Variants in CSPG4 observed in about 807,000 individuals in gnomAD.
CSPG4 encodes chondroitin sulfate proteoglycan 4.
A neutral mutation model predicts 139.3 loss-of-function variants in CSPG4; 74 were observed. That is an observed-to-expected ratio of 0.53 (90% CI 0.44 to 0.64). The LOEUF (loss-of-function observed/expected upper bound fraction) is 0.64. Among genes scored for constraint, CSPG4 ranks in the 30% least tolerant of loss-of-function variants. The pLI is 0.00. For synonymous variants in CSPG4, 1,234 were observed against 1,394.2 expected (o/e 0.89, Z 2.56); for missense variants, 2,565 against 3,148.3 (o/e 0.81, Z 4.43).
rs1446944540 is a variant in CSPG4, at chr15:75,683,022, G to A, written c.4469C>T (p.Ala1490Val). The A allele has an allele frequency of 3.1e-6, 5 of 1,610,382 alleles. No homozygotes were observed. Among genetic ancestry groups the A allele is most frequent in the Admixed American group, 1.7e-5 (1 of 59,974 alleles). ...CCTCAGAGCCTCCGCAGGGATGGGC[G>A]CAGTGGCCCCCTCCCACATCTGGGA... is the stretch of plus-strand genomic sequence containing the variant. ...TGLQMWEGAT[A>V]PIPAEALRST... The change falls in exon 6 of 10, where the codon GCG becomes GTG. Residue 1490 changes from alanine (A) to valine (V), a missense_variant. Ala to Val is a moderately conservative substitution (Grantham distance 64). Transcript: ENST00000308508.
Position 75,689,910 on chromosome 15 carries a change from C to T in CSPG4, c.1155G>A (p.Glu385=). Residue 385 remains glutamate, a synonymous_variant, in exon 3 of 10, where the codon GAG becomes GAA. Coordinates refer to ENST00000308508, the MANE Select transcript of CSPG4 (RefSeq NM_001897.5). ...NMAAGCRLEE[E]EYEDDAYGHY... is the part of the protein sequence containing the mutation. ...GTCCATAGGCATCGTCCTCATACTC[C>T]TCCTCCTCCAGCCTGCAGCCGGCTG... 1.2e-6 allele frequency: 2 copies of T among 1,611,850 alleles called. No individual in the cohort carries two copies. Among genetic ancestry groups the T allele is most frequent in the Non-Finnish European group, 1.7e-6 (2 of 1,179,430 alleles).
In CSPG4 at chr15:75,688,348, A is replaced by G. The variant is rs762672632; in HGVS notation, c.2717T>C (p.Leu906Pro). 3 of 1,613,212 alleles carry G rather than the reference A, an allele frequency of 1.9e-6. No individual in the cohort carries two copies. Among genetic ancestry groups the G allele is most frequent in the Admixed American group, 1.7e-5 (1 of 60,008 alleles). ...DPDAPVLTNV[L>P]LVVPEGGEGV... Reference sequence around the variant, plus strand: ...CTCACCACCCTCAGGCACCACGAGGAGGACATTGGTGAGGACAGGCGCATC... The same window carrying G: ...CTCACCACCCTCAGGCACCACGAGGGGGACATTGGTGAGGACAGGCGCATC... Residue 906 changes from leucine to proline, a missense_variant, in exon 3 of 10, where the codon CTC (leucine) becomes CCC (proline). Transcript: ENST00000308508.
Position 75,712,714 on chromosome 15 carries a change from C to A in CSPG4, c.42G>T (p.Leu14=). 6.4e-7 allele frequency: 1 copy of A among 1,563,548 alleles called. No homozygotes were observed. The highest frequency in any genetic ancestry group is 2.3e-5 in the East Asian group (1 of 42,554). ...ACATAGTCAGGGTCAAAGCCAAGGC[C>A]AGGCCGGGGGCTGGAAGTGGGGGCC... The part of the protein sequence containing the change: ...GPRPPLPAPG[L]ALALTLTMLA... The change falls in exon 1 of 10, where the codon CTG becomes CTT. Residue 14 remains leucine (L), a synonymous_variant. Transcript: ENST00000308508.
In CSPG4 at chr15:75,688,910, C is replaced by G. The variant is rs1362518337; in HGVS notation, c.2155G>C (p.Gly719Arg). ...GCCCACCACTCAGCACCCTCCACCC[C>G]ACCTGCCCCCTGCTTCTGCAGCTCC... ...FGELQKQGAG[G>R]VEGAEWWATQ... The change falls in exon 3 of 10, where the codon GGG becomes CGG. Residue 719 changes from glycine to arginine, a missense_variant. Around this residue, in one of 5 missense-constraint regions of CSPG4, gnomAD observed 2,316 missense variants for 2,818.2 expected, o/e 0.82. Transcript: ENST00000308508. 1.2e-6 allele frequency: 2 copies of G among 1,612,204 alleles called. No homozygotes were observed. The highest frequency in any genetic ancestry group is 2.7e-5 in the African/African-American group (2 of 74,932).
Position 75,676,086 on chromosome 15 carries a change from C to T in CSPG4, c.6433G>A (p.Glu2145Lys). The change falls in exon 10 of 10, where the codon GAG (glutamate) becomes AAG (lysine). Residue 2145 changes from glutamate (E) to lysine (K), a missense_variant. Glu to Lys is a moderately conservative substitution (Grantham distance 56). Coordinates refer to ENST00000308508, the MANE Select transcript of CSPG4 (RefSeq NM_001897.5). ...GGCGGGACGCCCTGTGCCCACAGCTCCAGAGTGAGACTGTCACCTGCGGGG... is the reference window on the plus strand; with the variant it reads ...GGCGGGACGCCCTGTGCCCACAGCTTCAGAGTGAGACTGTCACCTGCGGGG... ...PGPAGDSLTL[E>K]LWAQGVPPAV... The T allele has an allele frequency of 1.3e-6, 2 of 1,535,390 alleles. No homozygotes were observed. The highest frequency in any genetic ancestry group is 2.4e-5 in the South Asian group (2 of 84,490).
intron 1 of CSPG4, among the ~76,000 whole-genome samples, chr15:75,706,007 C>G (rs1318266174): frequency 1.3e-5 from 2 of 152,040 alleles, no homozygotes; most frequent in South Asian, 2.1e-4. Flanking sequence ...GTCTGTGTCT[C>G]TGTGTGTGTG....
intron 1 of CSPG4, among the ~76,000 whole-genome samples, chr15:75,699,192 C>T (rs1181419582): frequency 1.3e-5 from 2 of 152,220 alleles, no homozygotes; most frequent in Admixed American, 1.3e-4. Flanking sequence ...ACTGCTTTAT[C>T]CCAGTGGGGT....
At chr15:75,686,527 A>T (rs1027633520) in intron 3 of CSPG4, among the ~76,000 whole-genome samples, 24 of 150,880 alleles carry the variant, frequency 1.6e-4, no homozygotes, top group Admixed American at 4.6e-4. Context: ...TTCCTGTTCT[A>T]TGCATTTGCC....
intron 1 of CSPG4, among the ~76,000 whole-genome samples, chr15:75,694,114 C>T (rs1271630058): frequency 1.3e-5 from 2 of 152,232 alleles, no homozygotes; most frequent in South Asian, 2.1e-4. Context: ...CAGGCCACCA[C>T]GCAGGCTGAG....
At position 75,685,714 on chromosome 15, in the gene CSPG4, G is replaced by A; in HGVS notation, c.3790-13C>T. Reference sequence around the variant, plus strand: ...CCTCCTGGGCTGCCTGGTTAACAGAGGTCACAAGGACTCACAGGGGGCCAC... The same window carrying A: ...CCTCCTGGGCTGCCTGGTTAACAGAAGTCACAAGGACTCACAGGGGGCCAC... On this transcript the variant is annotated splice_polypyrimidine_tract_variant and intron_variant, in intron 3 of 9. Transcript: ENST00000308508. 2 of 1,575,636 alleles carry A rather than the reference G, an allele frequency of 1.3e-6. No homozygotes were observed. The highest frequency in any genetic ancestry group is 1.7e-6 in the Non-Finnish European group (2 of 1,164,944).
chr15:75,692,828 G>A (rs967709967), intron 2 of CSPG4, among the ~76,000 whole-genome samples: 2 of 152,252 alleles, frequency 1.3e-5, no homozygotes, highest in African/African-American at 4.8e-5. Context: ...AGGGCTGTCA[G>A]AGCACAAAGG....
intron 8 of CSPG4, among the ~76,000 whole-genome samples, chr15:75,681,575 TG>T (rs1202918736): frequency 1.3e-5 from 2 of 152,232 alleles, no homozygotes; most frequent in African/African-American, 4.8e-5. Flanking sequence ...GCCGCCTGCC[TG>T]GGATGGCCCA....
chr15:75,705,232 C>T (rs1894355318), intron 1 of CSPG4, among the ~76,000 whole-genome samples: 1 of 152,244 alleles, frequency 6.6e-6, no homozygotes, highest in Non-Finnish European at 1.5e-5. Flanking sequence ...CACCCCCTCC[C>T]ACCTTCTGAA....
At chr15:75,700,366 G>T (rs570849315) in intron 1 of CSPG4, among the ~76,000 whole-genome samples, 13 of 152,240 alleles carry the variant, frequency 8.5e-5, no homozygotes, top group Non-Finnish European at 1.2e-4. Flanking sequence ...TGTCAGGGCC[G>T]GGTGGAGGGG....
chr15:75,706,496 G>T (rs1450462050), intron 1 of CSPG4, among the ~76,000 whole-genome samples: 1 of 151,504 alleles, frequency 6.6e-6, no homozygotes, highest in Admixed American at 6.6e-5. Flanking sequence ...GGCTGAAGAA[G>T]GTCATGAACC....
rs772474796 is a variant in CSPG4, at chr15:75,676,660, G to A, written c.5859C>T (p.Pro1953=). The part of the protein sequence containing the change: ...EVQLRAPLEV[P]QALGRSSLSQ... ...TCAGTGAGGAGCGCCCCAAAGCTTG[G>A]GGCACCTCCAGGGGTGCCCGCAGCT... Residue 1953 remains proline, a synonymous_variant, in exon 10 of 10, where the codon CCC becomes CCT. Transcript: ENST00000308508. The A allele has an allele frequency of 2.8e-5, 45 of 1,597,564 alleles. No individual in the cohort carries two copies. The highest frequency in any genetic ancestry group is 3.7e-5 in the Non-Finnish European group (43 of 1,171,166).
At position 75,682,728 on chromosome 15, in the gene CSPG4, T is replaced by C; in HGVS notation, c.4662A>G (p.Gly1554=). The change falls in exon 7 of 10, where the codon GGA becomes GGG. Residue 1554 remains glycine (G), a synonymous_variant. Transcript: ENST00000308508. ...VLFSHRGTLD[G]GFRFRLSDGE... ...CGTCAGAGAGGCGGAAGCGGAAGCCTCCATCCAGGGTTCCTGGGGACAGGG... is the reference window on the plus strand; with the variant it reads ...CGTCAGAGAGGCGGAAGCGGAAGCCCCCATCCAGGGTTCCTGGGGACAGGG... 1 of 1,612,812 alleles carries C rather than the reference T, an allele frequency of 6.2e-7. No individual in the cohort carries two copies. The highest frequency in any genetic ancestry group is 8.5e-7 in the Non-Finnish European group (1 of 1,179,968).
rs774616307 is a variant in CSPG4 at position 75,690,805 on chromosome 15, A to C, written c.260T>G (p.Leu87Arg). The C allele has an allele frequency of 6.2e-7, 1 of 1,607,808 alleles. No homozygotes were observed. Among genetic ancestry groups the C allele is most frequent in the Admixed American group, 1.7e-5 (1 of 59,670 alleles). The part of the protein sequence containing the change: ...QLYSGRLQVR[L>R]VLGQEELRLQ... ...CCTCAGCTCCTCCTGGCCCAGAACA[A>C]GTCTGACCTGAAGAGAGATGGGGAG... The change falls in exon 3 of 10, where the codon CTT becomes CGT. Residue 87 changes from leucine (L) to arginine (R), a missense_variant. Leu to Arg is a moderately radical substitution (Grantham distance 102). Coordinates refer to ENST00000308508, the MANE Select transcript of CSPG4 (RefSeq NM_001897.5).
rs1357179851 is a variant in CSPG4 at position 75,674,420 on chromosome 15, C to T, written c.*1130G>A. ...ACTGAAGGGGTTTGGTCCCATCACC[C>T]GAAGACTGGCCCACCTGCCCACACA... On this transcript the variant is annotated 3_prime_UTR_variant, in exon 10 of 10. Coordinates refer to ENST00000308508, the MANE Select transcript of CSPG4 (RefSeq NM_001897.5). 2.2e-5 allele frequency: 7 copies of T among 318,284 alleles called. No homozygotes were observed. The highest frequency in any genetic ancestry group is 5.0e-5 in the Admixed American group (1 of 20,140). 19.7% of individuals were successfully genotyped at this position (318,284 alleles called of 1,614,324 possible).
Sources: allele counts gnomAD v4.1 joint callset (sites outside exome capture counted in the v4.1 genomes callset), GRCh38; gene constraint gnomAD v4.1.1; regional missense constraint gnomAD v4.1.1; transcripts MANE v1.5; gene names NCBI Gene and HGNC (gene_info 2026-07-23, HGNC 2026-07-21).